PPM1E: variants seen among roughly 807,000 people sequenced by gnomAD.
The protein encoded by PPM1E is protein phosphatase, Mg2+/Mn2+ dependent 1E.
In PPM1E, 20 loss-of-function variants were observed where a neutral mutation model predicts 65.9. The ratio of observed to expected loss-of-function variants is 0.30; its 90% CI spans 0.21 to 0.44. The LOEUF is 0.44. Among genes scored for constraint, PPM1E ranks in the 20% least tolerant of loss-of-function variants. PPM1E has a pLI of 1.00. For synonymous variants in PPM1E, 352 were observed against 374.9 expected (o/e 0.94, Z 0.70); for missense variants, 713 against 953.1 (o/e 0.75, Z 3.32).
rs184028451 is a variant in PPM1E at position 58,883,123 on chromosome 17, T to C, written c.465-72526T>C. Among the ~76,000 whole-genome samples the C allele has an allele frequency of 2.4e-4, 36 of 151,696 alleles. No homozygotes were observed. In the East Asian group the frequency reaches 6.6e-3, roughly 28 times the overall value. On this transcript the variant is annotated intron_variant, in intron 1 of 6. Transcript: ENST00000308249. ...GGCGCCTGCCACCACGCCCAGCTAA[T>C]TTTTTTGTGTTTTTAGTTGAGACGG...
Position 58,888,521 on chromosome 17 carries a change from G to A in PPM1E, c.465-67128G>A, listed in dbSNP as rs145839126. Among the ~76,000 whole-genome samples, 693 of 151,772 alleles carry A rather than the reference G, an allele frequency of 4.6e-3. 4 individuals are homozygous for A. The highest frequency in any genetic ancestry group is 8.1e-3 in the Non-Finnish European group (553 of 67,930). On this transcript the variant is annotated intron_variant, in intron 1 of 6. Coordinates refer to ENST00000308249, the MANE Select transcript of PPM1E (RefSeq NM_014906.5). ...TGGGATTACAGGTGCCCACCACTGCGCCTGGCTAATTTTTGTATTTTTAGT... is the reference window on the plus strand; with the variant it reads ...TGGGATTACAGGTGCCCACCACTGCACCTGGCTAATTTTTGTATTTTTAGT...
At chr17:58,798,866 G>C (rs975059098) in intron 1 of PPM1E, among the ~76,000 whole-genome samples, 3 of 151,756 alleles carry the variant, frequency 2.0e-5, no homozygotes, top group Admixed American at 2.0e-4. Flanking sequence ...GCTAAATTTT[G>C]TATTTTTAGT....
rs568462294 is a variant in PPM1E, at chr17:58,914,050, A to G, written c.465-41599A>G. Among the ~76,000 whole-genome samples the G allele has an allele frequency of 3.2e-3, 485 of 152,322 alleles. 5 individuals are homozygous for G. Among genetic ancestry groups the G allele is most frequent in the African/African-American group, 0.011 (465 of 41,580 alleles). On this transcript the variant is annotated intron_variant, in intron 1 of 6. Transcript: ENST00000308249. ...TAGTTCATTCCGCCCAGGAATGAAC[A>G]AGGACAGCTTGGAGGTTAAAAGCAA...
chr17:58,972,820 A>G lies in PPM1E; in HGVS notation c.1117-12A>G, dbSNP rs1387495482. On this transcript the variant is annotated splice_polypyrimidine_tract_variant and intron_variant, in intron 5 of 6. Coordinates refer to ENST00000308249, the MANE Select transcript of PPM1E (RefSeq NM_014906.5). Reference sequence around the variant, plus strand: ...CCAGTTATTTGCTTCTTTTTATTGCATTGCTGTTTAGGATGAAAAGCAGAG... The same window carrying G: ...CCAGTTATTTGCTTCTTTTTATTGCGTTGCTGTTTAGGATGAAAAGCAGAG... 1.9e-6 allele frequency: 3 copies of G among 1,606,522 alleles called. No homozygotes were observed. The highest frequency in any genetic ancestry group is 1.1e-5 in the South Asian group (1 of 90,920).
At chr17:58,918,523 T>C (rs2051712601) in intron 1 of PPM1E, among the ~76,000 whole-genome samples, 1 of 152,148 alleles carries the variant, frequency 6.6e-6, no homozygotes, top group Admixed American at 6.5e-5. Flanking sequence ...TAAAATAATG[T>C]GTGCTTTAAA....
chr17:58,822,696 A>G (rs1221680634), intron 1 of PPM1E, among the ~76,000 whole-genome samples: 1 of 152,208 alleles, frequency 6.6e-6, no homozygotes, highest in East Asian at 1.9e-4. Flanking sequence ...GAAGATGTAA[A>G]GATGAGGATT....
At chr17:58,836,698 T>C (rs1440953373) in intron 1 of PPM1E, among the ~76,000 whole-genome samples, 1 of 150,382 alleles carries the variant, frequency 6.6e-6, no homozygotes, top group African/African-American at 2.4e-5. Context: ...CTCCTGACCT[T>C]GTGATCTGCC....
At chr17:58,932,614 T>C (rs1254406446) in intron 1 of PPM1E, among the ~76,000 whole-genome samples, 1 of 152,176 alleles carries the variant, frequency 6.6e-6, no homozygotes, top group East Asian at 1.9e-4. Context: ...GTAAGGAAGT[T>C]CCAGGATATC....
intron 2 of PPM1E, among the ~76,000 whole-genome samples, chr17:58,957,529 T>A (rs2029895122): frequency 6.6e-6 from 1 of 152,222 alleles, no homozygotes; most frequent in African/African-American, 2.4e-5. Context: ...TATTTGGAAA[T>A]CTTGTATTTA....
intron 1 of PPM1E, among the ~76,000 whole-genome samples, chr17:58,853,849 G>A (rs2050854229): frequency 1.3e-5 from 2 of 152,042 alleles, no homozygotes; most frequent in South Asian, 2.1e-4. Context: ...AAAAGAAAGT[G>A]TGAAGTGTGA....
intron 1 of PPM1E, among the ~76,000 whole-genome samples, chr17:58,818,821 T>A (rs185506043): frequency 9.8e-5 from 15 of 152,334 alleles, no homozygotes; most frequent in Non-Finnish European, 2.1e-4. Flanking sequence ...TAGTGCTTGG[T>A]ACATAATTAG....
At chr17:58,796,454 G>A (rs958248454) in intron 1 of PPM1E, among the ~76,000 whole-genome samples, 1 of 152,128 alleles carries the variant, frequency 6.6e-6, no homozygotes, top group African/African-American at 2.4e-5. Flanking sequence ...TATTTTTGTA[G>A]AGAGAAGATT....
intron 1 of PPM1E, among the ~76,000 whole-genome samples, chr17:58,825,224 T>TCA (rs71367635): frequency 0.063 from 8,863 of 140,010 alleles, 266 homozygotes; most frequent in East Asian, 0.086. Context: ...ACACACACAC[T>TCA]CACACACACA....
intron 1 of PPM1E, among the ~76,000 whole-genome samples, chr17:58,838,905 A>G (rs1024897802): frequency 1.3e-5 from 2 of 152,246 alleles, no homozygotes; most frequent in Non-Finnish European, 2.9e-5. Flanking sequence ...ATAGATGCAT[A>G]TTATTAAGTA....
chr17:58,871,637 A>G (rs1317588607), intron 1 of PPM1E, among the ~76,000 whole-genome samples: 1 of 151,914 alleles, frequency 6.6e-6, no homozygotes, highest in Non-Finnish European at 1.5e-5. Context: ...CAATATGGCA[A>G]AACTCCGTCT....
intron 1 of PPM1E, among the ~76,000 whole-genome samples, chr17:58,948,685 A>G (rs570578167): frequency 1.3e-5 from 2 of 152,280 alleles, no homozygotes; most frequent in East Asian, 3.9e-4. Context: ...GCTTTGGCTG[A>G]GTCCCATAGG....
chr17:58,786,381 C>G (rs2050101279), intron 1 of PPM1E, among the ~76,000 whole-genome samples: 1 of 152,186 alleles, frequency 6.6e-6, no homozygotes, highest in Non-Finnish European at 1.5e-5. Flanking sequence ...AGCATCACTA[C>G]TTTTGCAATT....
At chr17:58,772,923 T>C (rs1469631857) in intron 1 of PPM1E, among the ~76,000 whole-genome samples, 5 of 152,088 alleles carry the variant, frequency 3.3e-5, no homozygotes, top group Non-Finnish European at 7.4e-5. Context: ...TAGTTTGTTT[T>C]ATTTGGCTAT....
intron 1 of PPM1E, among the ~76,000 whole-genome samples, chr17:58,834,080 A>G (rs1177110511): frequency 6.6e-6 from 1 of 151,994 alleles, no homozygotes; most frequent in Non-Finnish European, 1.5e-5. Flanking sequence ...CCCATTTGGA[A>G]GTGTTTTGTG....
Sources: allele counts gnomAD v4.1 joint callset (sites outside exome capture counted in the v4.1 genomes callset), GRCh38; gene constraint gnomAD v4.1.1; transcripts MANE v1.5; gene names NCBI Gene and HGNC (gene_info 2026-07-23, HGNC 2026-07-21).